FAF1: variants seen among roughly 807,000 people sequenced by gnomAD.
FAF1 encodes Fas associated factor 1, also known as FAS-associated factor 1.
A neutral mutation model predicts 92.5 loss-of-function variants in FAF1; 25 were observed. That is an observed-to-expected ratio of 0.27 (90% CI 0.20 to 0.38). The LOEUF is 0.38. Ranked by LOEUF, FAF1 falls within the 10% of genes least tolerant of loss-of-function variation. The pLI, the probability that FAF1 is intolerant of heterozygous loss-of-function variation, is 1.00. For missense variants in FAF1, 636 were observed against 793.3 expected (o/e 0.80, Z 2.38); for synonymous variants, 234 against 273.2 (o/e 0.86, Z 1.42).
At chr1:50,687,526 G>A (rs1371207157) in intron 7 of FAF1, among the ~76,000 whole-genome samples, 2 of 152,098 alleles carry the variant, frequency 1.3e-5, no homozygotes, top group African/African-American at 4.8e-5. Context: ...GAGGCAGGTA[G>A]ATCACCTGAT....
intron 7 of FAF1, among the ~76,000 whole-genome samples, chr1:50,675,988 G>A (rs1341852408): frequency 6.6e-6 from 1 of 152,224 alleles, no homozygotes; most frequent in African/African-American, 2.4e-5. Context: ...AGAGCTGAAT[G>A]TGAATTTGAA....
chr1:50,955,551 T>C (rs1355959714), intron 1 of FAF1, among the ~76,000 whole-genome samples: 1 of 152,220 alleles, frequency 6.6e-6, no homozygotes, highest in African/African-American at 2.4e-5. Context: ...ATTTTGGTGG[T>C]GCAGCCACTA....
At chr1:50,885,324 A>ACACACACACACACACACACT (rs1644651416) in intron 1 of FAF1, among the ~76,000 whole-genome samples, 5 of 102,202 alleles carry the variant, frequency 4.9e-5, no homozygotes, top group African/African-American at 1.8e-4. Context: ...ACACACACAC[A>ACACACACACACACACACACT]CTCTCTCTCT....
chr1:50,798,592 T>A (rs1661854462), intron 3 of FAF1, among the ~76,000 whole-genome samples: 1 of 152,244 alleles, frequency 6.6e-6, no homozygotes, highest in Non-Finnish European at 1.5e-5. Flanking sequence ...TATGACTGCA[T>A]AAGTTACACA....
chr1:50,900,531 C>T (rs1644788289), intron 1 of FAF1, among the ~76,000 whole-genome samples: 1 of 152,038 alleles, frequency 6.6e-6, no homozygotes, highest in African/African-American at 2.4e-5. Flanking sequence ...CAGTCTGACT[C>T]CAAATTCACA....
chr1:50,655,390 A>G, intron 8 of FAF1, 52 bp downstream of exon 8: 1 of 1,158,578 alleles, frequency 8.6e-7, no homozygotes, highest in Non-Finnish European at 1.3e-6. Flanking sequence ...TTAGACTGAA[A>G]GTGGCAAAAG....
At chr1:50,739,895 A>G (rs1659317104) in intron 5 of FAF1, among the ~76,000 whole-genome samples, 1 of 152,196 alleles carries the variant, frequency 6.6e-6, no homozygotes, top group South Asian at 2.1e-4. Flanking sequence ...TCTTTGCCAG[A>G]AAATTCACAT....
chr1:50,867,690 CTGTGGA>C (rs1644493616), intron 1 of FAF1, among the ~76,000 whole-genome samples: 3 of 152,018 alleles, frequency 2.0e-5, no homozygotes, highest in African/African-American at 7.2e-5. Context: ...ATAGCTGTTG[CTGTGGA>C]TGTGGTGAAA....
chr1:50,647,168 AT>A (rs1384018807), intron 8 of FAF1, among the ~76,000 whole-genome samples: 1 of 152,152 alleles, frequency 6.6e-6, no homozygotes, highest in Admixed American at 6.6e-5. Flanking sequence ...GGACTTCTAC[AT>A]TTGAGTCCTG....
chr1:50,563,436 A>G (rs1167826602), intron 13 of FAF1, among the ~76,000 whole-genome samples: 1 of 152,100 alleles, frequency 6.6e-6, no homozygotes, highest in East Asian at 1.9e-4. Flanking sequence ...TAAAAAAAAA[A>G]AAAGAAATTA....
intron 4 of FAF1, among the ~76,000 whole-genome samples, chr1:50,767,567 G>C (rs775711430): frequency 1.1e-4 from 16 of 152,224 alleles, no homozygotes; most frequent in African/African-American, 3.6e-4. Flanking sequence ...TGGAGAAAAG[G>C]GACAGGTAAC....
chr1:50,642,773 T>TA (rs1336999691), intron 8 of FAF1, among the ~76,000 whole-genome samples: 3 of 152,218 alleles, frequency 2.0e-5, no homozygotes, highest in Non-Finnish European at 4.4e-5. Context: ...TCAATATGGT[T>TA]AGATTTAAAC....
At position 50,674,671 on chromosome 1, in the gene FAF1, G is replaced by A. The variant is rs114042453; in HGVS notation, c.658-19143C>T. Among the ~76,000 whole-genome samples the A allele has an allele frequency of 2.3e-3, 351 of 152,188 alleles. 3 individuals are homozygous for A. Among genetic ancestry groups the A allele is most frequent in the African/African-American group, 8.0e-3 (331 of 41,538 alleles). On this transcript the variant is annotated intron_variant, in intron 7 of 18. Coordinates refer to ENST00000396153, the MANE Select transcript of FAF1 (RefSeq NM_007051.3). ...TTTTACTGCATTATGACAGTAATAA[G>A]TAAATTTGAGGTTGTCTATCCTTGA...
At chr1:50,623,245 G>A (rs542637191) in intron 8 of FAF1, among the ~76,000 whole-genome samples, 11 of 152,242 alleles carry the variant, frequency 7.2e-5, no homozygotes, top group African/African-American at 9.6e-5. Context: ...CTTCCATTTT[G>A]AGTGTAGTTT....
chr1:50,793,147 GA>G (rs1397978465), intron 3 of FAF1, among the ~76,000 whole-genome samples: 1 of 152,146 alleles, frequency 6.6e-6, no homozygotes, highest in East Asian at 1.9e-4. Context: ...GACCACTGTG[GA>G]GAACCACAGT....
chr1:50,472,416 CACACACA>C (rs1646586793), intron 18 of FAF1, among the ~76,000 whole-genome samples: 1 of 141,274 alleles, frequency 7.1e-6, no homozygotes, highest in Non-Finnish European at 1.6e-5. Context: ...CACACACACA[CACACACA>C]AACCCCAAAA....
intron 8 of FAF1, among the ~76,000 whole-genome samples, chr1:50,623,571 T>C (rs1653314101): frequency 6.8e-6 from 1 of 147,790 alleles, no homozygotes; most frequent in Non-Finnish European, 1.5e-5. Flanking sequence ...TGAGACTCTG[T>C]CTTGAAAAAA....
chr1:50,535,492 T>A, intron 14 of FAF1, 35 bp from the exon 15 acceptor site: 2 of 1,194,336 alleles, frequency 1.7e-6, no homozygotes, highest in Non-Finnish European at 2.5e-6. Context: ...ACTTTTATAA[T>A]CATTTTATAT....
intron 9 of FAF1, among the ~76,000 whole-genome samples, chr1:50,585,880 TA>T (rs958484582): frequency 0.31 from 28,287 of 90,724 alleles, 2,671 homozygotes; most frequent in Middle Eastern, 0.46. Context: ...CATCTCTACA[TA>T]AAAAAAAAAA....
Sources: gnomAD v4.1 joint callset for allele counts (sites outside exome capture counted in the v4.1 genomes callset) on GRCh38, gnomAD v4.1.1 for gene constraint, MANE v1.5 for transcripts, NCBI Gene and HGNC (gene_info 2026-07-23, HGNC 2026-07-21) for gene names.